The following GALNT13 variants were observed in gnomAD, a reference collection of about 807,000 sequenced individuals.
GALNT13 encodes polypeptide N-acetylgalactosaminyltransferase 13, also known as UDP-GalNAc:polypeptide N-acetylgalactosaminyltransferase 13.
GALNT13 carries 28 observed loss-of-function variants against 64.2 expected under a neutral mutation model. The ratio of observed to expected loss-of-function variants is 0.44; its 90% CI spans 0.32 to 0.60. The LOEUF (loss-of-function observed/expected upper bound fraction) is 0.60. GALNT13 is among the 20% of genes least tolerant of loss of function. The pLI is 0.05. For missense variants in GALNT13, 577 were observed against 669.8 expected (o/e 0.86, Z 1.53); for synonymous variants, 214 against 224.6 (o/e 0.95, Z 0.42).
At chr2:154,081,223 C>T (rs533921989) in intron 3 of GALNT13, among the ~76,000 whole-genome samples, 70 of 151,696 alleles carry the variant, frequency 4.6e-4, no homozygotes, top group Non-Finnish European at 3.2e-4. Context: ...TCGTACCCTT[C>T]CCTTGACTTT....
chr2:153,635,107 C>A, the GALNT13 span, among the ~76,000 whole-genome samples: 9 of 152,000 alleles, frequency 5.9e-5, no homozygotes, highest in East Asian at 3.9e-4. Context: ...GAAAAAAAAA[C>A]CACTTTCTAA....
At chr2:153,909,551 GT>G (rs1558847523) in intron 2 of GALNT13, among the ~76,000 whole-genome samples, 3 of 151,898 alleles carry the variant, frequency 2.0e-5, no homozygotes, top group Non-Finnish European at 2.9e-5. Context: ...TTTATGTGAT[GT>G]TTGCTGTGGT....
At chr2:153,702,938 A>C in the GALNT13 span, among the ~76,000 whole-genome samples, 1 of 152,142 alleles carries the variant, frequency 6.6e-6, no homozygotes. Flanking sequence ...CTTTCATATT[A>C]AGAAGCTGGG....
intron 8 of GALNT13, among the ~76,000 whole-genome samples, chr2:154,292,022 T>G (rs909846601): frequency 2.6e-5 from 4 of 152,132 alleles, no homozygotes; most frequent in Non-Finnish European, 5.9e-5. Flanking sequence ...CCCTTACCCC[T>G]CAGGAAGAAG....
At chr2:153,131,955 G>C in the GALNT13 span, among the ~76,000 whole-genome samples, 1 of 152,092 alleles carries the variant, frequency 6.6e-6, no homozygotes, top group South Asian at 2.1e-4. Context: ...CCTTACTGTA[G>C]AGAGTAACCT....
At chr2:154,169,159 C>T (rs532577214) in intron 4 of GALNT13, among the ~76,000 whole-genome samples, 106 of 152,274 alleles carry the variant, frequency 7.0e-4, no homozygotes, top group African/African-American at 2.5e-3. Context: ...GATCCATCCC[C>T]ATGACCCAAA....
the GALNT13 span, among the ~76,000 whole-genome samples, chr2:153,719,210 G>A: frequency 0.011 from 1,751 of 152,268 alleles, 15 homozygotes; most frequent in Non-Finnish European, 0.019. Context: ...GGAAGACCAG[G>A]AAAATCAGGT....
intron 3 of GALNT13, among the ~76,000 whole-genome samples, chr2:154,106,589 A>G (rs1702627978): frequency 6.6e-6 from 1 of 151,850 alleles, no homozygotes; most frequent in Non-Finnish European, 1.5e-5. Flanking sequence ...TTTATAGATT[A>G]TTACAGATTT....
At chr2:153,087,023 A>G in the GALNT13 span, among the ~76,000 whole-genome samples, 1 of 152,120 alleles carries the variant, frequency 6.6e-6, no homozygotes, top group Non-Finnish European at 1.5e-5. Flanking sequence ...ACTATGTTGA[A>G]TAGACTTGAT....
chr2:153,734,227 G>A, the GALNT13 span, among the ~76,000 whole-genome samples: 26 of 152,180 alleles, frequency 1.7e-4, no homozygotes, highest in Non-Finnish European at 2.9e-4. Flanking sequence ...GACCAGAAGA[G>A]GTTTTGCTTT....
chr2:154,046,968 C>T (rs1474752995), intron 3 of GALNT13, among the ~76,000 whole-genome samples: 17 of 151,646 alleles, frequency 1.1e-4, no homozygotes, highest in Non-Finnish European at 2.1e-4. Context: ...TCATAGAAAA[C>T]GTAATATACA....
the GALNT13 span, among the ~76,000 whole-genome samples, chr2:153,742,171 G>T: frequency 1.3e-5 from 2 of 151,944 alleles, no homozygotes; most frequent in African/African-American, 4.8e-5. Context: ...TCTACTTTCT[G>T]CTTTTTTGAT....
intron 1 of GALNT13, among the ~76,000 whole-genome samples, chr2:153,891,213 G>T (rs1687531141): frequency 6.6e-6 from 1 of 151,946 alleles, no homozygotes; most frequent in South Asian, 2.1e-4. Context: ...GTACAGATAG[G>T]TCCCTTGGGC....
intron 1 of GALNT13, among the ~76,000 whole-genome samples, chr2:153,887,953 A>G (rs1687299764): frequency 6.6e-6 from 1 of 151,960 alleles, no homozygotes; most frequent in African/African-American, 2.4e-5. Context: ...TCGGTATGTG[A>G]TATCTAGTTT....
the GALNT13 span, among the ~76,000 whole-genome samples, chr2:153,588,881 T>G: frequency 2.0e-5 from 3 of 152,208 alleles, no homozygotes; most frequent in African/African-American, 7.2e-5. Flanking sequence ...AAATTTCTTC[T>G]GCAGGCTGGG....
At chr2:153,593,917 T>C in the GALNT13 span, among the ~76,000 whole-genome samples, 1 of 152,142 alleles carries the variant, frequency 6.6e-6, no homozygotes, top group Non-Finnish European at 1.5e-5. Context: ...CAATGAAGAC[T>C]GAAGCTCCAT....
intron 4 of GALNT13, among the ~76,000 whole-genome samples, chr2:154,144,494 A>T (rs561489804): frequency 2.6e-5 from 4 of 152,274 alleles, no homozygotes; most frequent in African/African-American, 9.6e-5. Context: ...AAAATAATTA[A>T]TTTACGAAGA....
At chr2:153,947,131 C>T (rs1021281112) in intron 3 of GALNT13, among the ~76,000 whole-genome samples, 2 of 151,944 alleles carry the variant, frequency 1.3e-5, no homozygotes, top group African/African-American at 2.4e-5. Flanking sequence ...TATTAACATA[C>T]ACTGTTAATG....
intron 3 of GALNT13, among the ~76,000 whole-genome samples, chr2:154,120,833 A>G (rs1681899367): frequency 6.6e-6 from 1 of 152,110 alleles, no homozygotes. Flanking sequence ...ATCTGGTGCC[A>G]CAACTGGCAG....
Sources: gnomAD v4.1 joint callset for allele counts (sites outside exome capture counted in the v4.1 genomes callset) on GRCh38, gnomAD v4.1.1 for gene constraint, MANE v1.5 for transcripts, NCBI Gene and HGNC (gene_info 2026-07-23, HGNC 2026-07-21) for gene names.